Variants in RUNX1 observed in about 807,000 individuals in gnomAD.
The protein encoded by RUNX1 is runt-related transcription factor 1.
Under a neutral mutation model 42.8 loss-of-function variants are expected in RUNX1, and 19 were observed. The observed-to-expected ratio is 0.44, with a 90% confidence interval of 0.31 to 0.65. The LOEUF (loss-of-function observed/expected upper bound fraction) is 0.65. Among genes scored for constraint, RUNX1 ranks in the 30% least tolerant of loss-of-function variants. The pLI is 0.07. For missense variants in RUNX1, 528 were observed against 672.0 expected, an observed-to-expected ratio of 0.79 and a Z score of 2.37; for synonymous variants, 271 against 289.4, an observed-to-expected ratio of 0.94 and a Z score of 0.64.
chr21:34,917,053 C>T (rs1426266634), intron 2 of RUNX1, among the ~76,000 whole-genome samples: 1 of 152,172 alleles, frequency 6.6e-6, no homozygotes, highest in Non-Finnish European at 1.5e-5. Flanking sequence ...TGTTCCGACA[C>T]AGTAGAAGTC....
chr21:34,799,474 CA>C lies in RUNX1; in HGVS notation c.806-13del, dbSNP rs898709346. Reference sequence around the variant, plus strand: ...GATCTGCCTTGTATCTGAAGAGAATCAGAAAGGTCAATTATATGTAAAGTGG... The same window carrying C: ...GATCTGCCTTGTATCTGAAGAGAATCGAAAGGTCAATTATATGTAAAGTGG... On this transcript the variant is annotated splice_polypyrimidine_tract_variant and intron_variant, in intron 7 of 8. Transcript: ENST00000675419. 3 of 1,613,038 alleles carry C rather than the reference CA, an allele frequency of 1.9e-6. No homozygotes were observed. The African/African-American group carries it at 4.0e-5, about 22-fold the overall frequency.
chr21:34,797,604 G>A (rs2056548046), intron 8 of RUNX1, among the ~76,000 whole-genome samples: 1 of 152,218 alleles, frequency 6.6e-6, no homozygotes, highest in Admixed American at 6.5e-5. Flanking sequence ...AGAACAATCA[G>A]TAAAAGCTGA....
chr21:34,925,929 G>C (rs1209584031), intron 2 of RUNX1, among the ~76,000 whole-genome samples: 2 of 152,078 alleles, frequency 1.3e-5, no homozygotes, highest in Admixed American at 1.3e-4. Flanking sequence ...ACTATAGAGT[G>C]CTTTCCTTGT....
At chr21:34,993,501 A>C (rs1023106912) in intron 2 of RUNX1, among the ~76,000 whole-genome samples, 1 of 97,038 alleles carries the variant, frequency 1.0e-5, no homozygotes, top group African/African-American at 4.9e-5. Flanking sequence ...TTGTCCCTAC[A>C]CACACACACA....
rs143500876 is a variant in RUNX1, at chr21:34,988,339, C to T, written c.58+60503G>A. Among the ~76,000 whole-genome samples, 46 of 152,258 alleles carry T rather than the reference C, an allele frequency of 3.0e-4. No individual in the cohort carries two copies. In the East Asian group the frequency reaches 4.4e-3, roughly 15 times the overall value. The stretch of plus-strand genomic sequence containing the variant: ...TTGCTGCACTTTCGAGGACACCAGG[C>T]GTGTAGTCTCATCTTTCATCAACAT... On this transcript the variant is annotated intron_variant, in intron 2 of 8. Transcript: ENST00000675419.
At chr21:34,802,164 G>A (rs2056616609) in intron 7 of RUNX1, among the ~76,000 whole-genome samples, 1 of 152,228 alleles carries the variant, frequency 6.6e-6, no homozygotes, top group Non-Finnish European at 1.5e-5. Context: ...GTAGAGGAGA[G>A]TACGATGGGA....
At chr21:34,807,331 C>T (rs1193291888) in intron 7 of RUNX1, among the ~76,000 whole-genome samples, 1 of 152,126 alleles carries the variant, frequency 6.6e-6, no homozygotes, top group African/African-American at 2.4e-5. Context: ...AACAGCACCC[C>T]TTGAGCGGTG....
intron 5 of RUNX1, among the ~76,000 whole-genome samples, chr21:34,860,561 T>G (rs1159968650): frequency 6.6e-6 from 1 of 151,500 alleles, no homozygotes; most frequent in Non-Finnish European, 1.5e-5. Context: ...GTATGTTGTC[T>G]GCTTTATTTC....
intron 2 of RUNX1, among the ~76,000 whole-genome samples, chr21:34,918,515 G>A (rs1191753138): frequency 6.6e-6 from 1 of 152,198 alleles, no homozygotes; most frequent in Non-Finnish European, 1.5e-5. Context: ...TGCTGCCATG[G>A]ATGCCCTTGA....
In RUNX1 at chr21:34,951,340, A is replaced by G. The variant is rs146268223; in HGVS notation, c.59-58377T>C. 5.3e-5 allele frequency among the ~76,000 whole-genome samples: 8 copies of G among 152,338 alleles called. 1 individual carries two copies. The highest frequency in any genetic ancestry group is 1.7e-4 in the African/African-American group (7 of 41,576). ...TTTTGAATAGGATAATTTCTTTTAAAAATATTATGGAAGCTCTTTAGTTTA... is the reference window on the plus strand; with the variant it reads ...TTTTGAATAGGATAATTTCTTTTAAGAATATTATGGAAGCTCTTTAGTTTA... On this transcript the variant is annotated intron_variant, in intron 2 of 8. Transcript: ENST00000675419.
intron 7 of RUNX1, among the ~76,000 whole-genome samples, chr21:34,800,348 G>A (rs117408860): frequency 0.012 from 1,867 of 152,340 alleles, 16 homozygotes; most frequent in South Asian, 0.043. Context: ...AAATGTGTAA[G>A]GAAACTTAAA....
intron 7 of RUNX1, chr21:34,821,747 CT>C: frequency 1.3e-6 from 2 of 1,505,502 alleles, no homozygotes; most frequent in Non-Finnish European, 1.8e-6. Flanking sequence ...AAGGACAATT[CT>C]TTATAGAGCC....
intron 2 of RUNX1, among the ~76,000 whole-genome samples, chr21:34,991,155 G>C (rs1329431209): frequency 1.3e-5 from 2 of 152,168 alleles, no homozygotes; most frequent in Non-Finnish European, 2.9e-5. Flanking sequence ...AGCCTCTGTG[G>C]TTCCACCTTG....
intron 7 of RUNX1, chr21:34,833,949 T>C (rs563612847): frequency 6.9e-4 from 221 of 321,298 alleles, no homozygotes; most frequent in Admixed American, 1.4e-3. Context: ...AAAAAAACAC[T>C]AGATACAAAA....
At position 34,907,638 on chromosome 21, in the gene RUNX1, C is replaced by A. The variant is rs1428461461; in HGVS notation, c.59-14675G>T. On this transcript the variant is annotated intron_variant, in intron 2 of 8. Transcript: ENST00000675419. This position sits in a 1 kb window ranked among gnomAD's most constrained non-coding sequence, Gnocchi z 5.3. ...TGAAGTTCTCCTTTCTGTGCCTCCGCTTCCACCTTTGCCAAGTCTAAAATC... is the reference window on the plus strand; with the variant it reads ...TGAAGTTCTCCTTTCTGTGCCTCCGATTCCACCTTTGCCAAGTCTAAAATC... Among the ~76,000 whole-genome samples the A allele has an allele frequency of 1.3e-5, 2 of 152,196 alleles. No individual in the cohort carries two copies. Among genetic ancestry groups the A allele is most frequent in the Non-Finnish European group, 2.9e-5 (2 of 68,040 alleles).
intron 2 of RUNX1, among the ~76,000 whole-genome samples, chr21:34,910,243 C>T (rs2058261431): frequency 6.6e-6 from 1 of 152,188 alleles, no homozygotes; most frequent in Non-Finnish European, 1.5e-5. Context: ...TCTGGCAAGC[C>T]AGCAAAGGGC....
intron 2 of RUNX1, among the ~76,000 whole-genome samples, chr21:35,031,535 G>C (rs935314423): frequency 1.3e-5 from 2 of 152,168 alleles, no homozygotes; most frequent in African/African-American, 2.4e-5. Flanking sequence ...CAAAGGAAAT[G>C]AAGTCAGTAT....
chr21:34,872,132 G>C (rs1480365961), intron 5 of RUNX1, among the ~76,000 whole-genome samples: 1 of 151,990 alleles, frequency 6.6e-6, no homozygotes, highest in Non-Finnish European at 1.5e-5. Flanking sequence ...GTGTGAGCCA[G>C]CATGCCCGGC....
intron 2 of RUNX1, among the ~76,000 whole-genome samples, chr21:35,020,124 A>G (rs934508573): frequency 6.6e-5 from 10 of 152,162 alleles, no homozygotes; most frequent in African/African-American, 1.9e-4. Context: ...AAACTGAAAA[A>G]GTATTATTTT....
Sources: allele counts gnomAD v4.1 joint callset (sites outside exome capture counted in the v4.1 genomes callset), GRCh38; gene constraint gnomAD v4.1.1; non-coding constraint Gnocchi (gnomAD v3.1); transcripts MANE v1.5; gene names NCBI Gene and HGNC (gene_info 2026-07-23, HGNC 2026-07-21).